EFL1: variants seen among roughly 807,000 people sequenced by gnomAD.
The protein encoded by EFL1 is elongation factor like GTPase 1.
Under a neutral mutation model 126.7 loss-of-function variants are expected in EFL1, and 76 were observed. The observed-to-expected ratio is 0.60, with a 90% confidence interval of 0.50 to 0.73. The LOEUF is 0.73. Among genes scored for constraint, EFL1 ranks in the 30% least tolerant of loss-of-function variants. EFL1 has a pLI of 0.00. For missense variants in EFL1, 1,128 were observed against 1,343.2 expected, an observed-to-expected ratio of 0.84 and a Z score of 2.50; for synonymous variants, 410 against 448.4, an observed-to-expected ratio of 0.91 and a Z score of 1.08.
At chr15:82,236,790 A>C (rs964831295) in intron 7 of EFL1, among the ~76,000 whole-genome samples, 18 of 152,232 alleles carry the variant, frequency 1.2e-4, no homozygotes, top group Admixed American at 4.6e-4. Context: ...CTTGACTCTA[A>C]AATCAAGATC....
At chr15:82,232,252 C>T (rs1195738275) in intron 7 of EFL1, among the ~76,000 whole-genome samples, 1 of 152,186 alleles carries the variant, frequency 6.6e-6, no homozygotes, top group African/African-American at 2.4e-5. Flanking sequence ...TGAAGCTTTG[C>T]TCTCCATATT....
Position 82,252,759 on chromosome 15 carries a change from C to T in EFL1, c.176G>A (p.Ser59Asn). ...RLAGKLRYMDSREDEQIRGIT... is the reference protein window; with the variant it reads ...RLAGKLRYMDNREDEQIRGIT... Reference sequence around the variant, plus strand: ...CCCTCGGATCTGTTCATCTTCTCTGCTGTCCATGTACCTTAACTGGAAAAA... The same window carrying T: ...CCCTCGGATCTGTTCATCTTCTCTGTTGTCCATGTACCTTAACTGGAAAAA... The change falls in exon 4 of 20, where the codon AGC becomes AAC. Residue 59 changes from serine to asparagine, a missense_variant. By Grantham distance (46) the Ser-to-Asn change is conservative. Coordinates refer to ENST00000268206, the MANE Select transcript of EFL1 (RefSeq NM_024580.6). 1.9e-6 allele frequency: 3 copies of T among 1,603,682 alleles called. No individual in the cohort carries two copies. The highest frequency in any genetic ancestry group is 2.6e-6 in the Non-Finnish European group (3 of 1,170,692).
rs374516876 is a variant in EFL1, at chr15:82,212,357, T to A, written c.1750+2360A>T. On this transcript the variant is annotated intron_variant, in intron 15 of 19. Transcript: ENST00000268206. ...CTATCATAAGAAGTATTAGTAATCA[T>A]TGCCCTAGTCCAAATCATTTGGGAA... is the stretch of plus-strand genomic sequence containing the variant. 8.5e-5 allele frequency among the ~76,000 whole-genome samples: 13 copies of A among 152,358 alleles called. No homozygotes were observed. In the South Asian group the frequency reaches 2.7e-3, roughly 32 times the overall value.
At chr15:82,246,319 G>A (rs1305565085) in intron 4 of EFL1, among the ~76,000 whole-genome samples, 3 of 152,032 alleles carry the variant, frequency 2.0e-5, no homozygotes, top group East Asian at 3.9e-4. Context: ...GTAAGAACCA[G>A]AATAAGAAAC....
chr15:82,245,906 C>T (rs1055724695), intron 4 of EFL1, among the ~76,000 whole-genome samples: 2 of 150,842 alleles, frequency 1.3e-5, no homozygotes, highest in Non-Finnish European at 2.9e-5. Flanking sequence ...GCACTCCAGC[C>T]TGGGTGATAG....
At chr15:82,257,661 C>A (rs923914924) in intron 3 of EFL1, among the ~76,000 whole-genome samples, 4 of 152,196 alleles carry the variant, frequency 2.6e-5, no homozygotes, top group Non-Finnish European at 5.9e-5. Flanking sequence ...CCCACCCACA[C>A]AGTTTCCCCT....
At chr15:82,159,165 C>T (rs957340704) in intron 16 of EFL1, among the ~76,000 whole-genome samples, 8 of 150,102 alleles carry the variant, frequency 5.3e-5, no homozygotes, top group Non-Finnish European at 1.0e-4. Flanking sequence ...TTTTTTTTGT[C>T]TAATTAAGTG....
rs1441055500 is a variant in EFL1, at chr15:82,262,594, C to T, written c.-20+20G>A. 1 of 362,644 alleles carries T rather than the reference C, an allele frequency of 2.8e-6. No individual in the cohort carries two copies. The highest frequency in any genetic ancestry group is 5.0e-6 in the Non-Finnish European group (1 of 200,788). 22.5% of individuals were successfully genotyped at this position (362,644 alleles called of 1,614,324 possible). A position where few individuals can be genotyped will look rare whatever the true frequency, so the allele number is the denominator to read the frequency against. On this transcript the variant is annotated intron_variant, in intron 1 of 19. Coordinates refer to ENST00000268206, the MANE Select transcript of EFL1 (RefSeq NM_024580.6). ...GGCTGGCCTAGGAGGTTCCAGCCCC[C>T]AGCGCCAGCCCACACTCACCGGCTG...
At chr15:82,214,896 T>G (rs970544600) in intron 14 of EFL1, 41 bp from the exon 15 acceptor site, 1 of 1,578,766 alleles carries the variant, frequency 6.3e-7, no homozygotes, top group South Asian at 1.2e-5. Context: ...TAGGAGGCAT[T>G]TGGAAGCATT....
chr15:82,230,384 T>C (rs1413344630), intron 8 of EFL1, among the ~76,000 whole-genome samples: 1 of 151,958 alleles, frequency 6.6e-6, no homozygotes, highest in African/African-American at 2.4e-5. Context: ...CCTCTATCTA[T>C]AGAAGGGGTT....
At chr15:82,204,996 G>A (rs193076468) in intron 15 of EFL1, among the ~76,000 whole-genome samples, 1 of 152,314 alleles carries the variant, frequency 6.6e-6, no homozygotes, top group East Asian at 1.9e-4. Context: ...ACCACAGATG[G>A]AAATGAAGAA....
chr15:82,254,939 T>G (rs1440143562), intron 3 of EFL1, among the ~76,000 whole-genome samples: 1 of 152,096 alleles, frequency 6.6e-6, no homozygotes, highest in Non-Finnish European at 1.5e-5. Context: ...GATGTAGACC[T>G]TCAACTGGTG....
intron 15 of EFL1, among the ~76,000 whole-genome samples, chr15:82,204,992 G>T (rs901148434): frequency 1.4e-4 from 22 of 152,206 alleles, no homozygotes; most frequent in African/African-American, 4.3e-4. Flanking sequence ...CAAAACCACA[G>T]ATGGAAATGA....
chr15:82,152,121 TG>T lies in EFL1; in HGVS notation c.2332del (p.Gln778SerfsTer2). On this transcript the variant is annotated frameshift_variant, in exon 18 of 20. Coordinates refer to ENST00000268206, the MANE Select transcript of EFL1 (RefSeq NM_024580.6). LOFTEE classifies it high-confidence loss of function. Reference protein sequence around the residue: ...ENSDLIRSMEQLTSSLNEGEN... With the variant: ...ENSDLIRSMEXLTSSLNEGEN... ...ACCCTCATTCAAAGAGGATGTCAACTGCTCCATAGAACGAATCAAATCACTA... is the reference window on the plus strand; with the variant it reads ...ACCCTCATTCAAAGAGGATGTCAACTCTCCATAGAACGAATCAAATCACTA... 6.2e-7 allele frequency: 1 copy of T among 1,614,184 alleles called. No individual in the cohort carries two copies. Among genetic ancestry groups the T allele is most frequent in the Non-Finnish European group, 8.5e-7 (1 of 1,180,042 alleles).
chr15:82,201,635 T>C (rs1364662365), intron 15 of EFL1, among the ~76,000 whole-genome samples: 2 of 150,460 alleles, frequency 1.3e-5, no homozygotes, highest in East Asian at 1.9e-4. Flanking sequence ...TTGTGAACCA[T>C]TATTTTGTCA....
At chr15:82,228,988 A>G in intron 9 of EFL1, 46 bp downstream of exon 9, 1 of 1,507,454 alleles carries the variant, frequency 6.6e-7, no homozygotes, top group Middle Eastern at 1.7e-4. Flanking sequence ...AGTGAGACAA[A>G]TTATACTGCC....
intron 15 of EFL1, 88 bp downstream of exon 15, chr15:82,214,629 T>A: frequency 6.9e-7 from 1 of 1,441,500 alleles, no homozygotes; most frequent in Non-Finnish European, 9.4e-7. Flanking sequence ...ATAAAGTTAT[T>A]CCCTTCAAAA....
rs777413648 is a variant in EFL1 at position 82,152,158 on chromosome 15, G to A, written c.2296C>T (p.Leu766=). 1.2e-6 allele frequency: 2 copies of A among 1,614,100 alleles called. No individual in the cohort carries two copies. Among genetic ancestry groups the A allele is most frequent in the East Asian group, 2.2e-5 (1 of 44,864 alleles). Residue 766 remains leucine, a synonymous_variant, in exon 18 of 20, where the codon CTG becomes TTG. Coordinates refer to ENST00000268206, the MANE Select transcript of EFL1 (RefSeq NM_024580.6). ...MPLPEEVTQI[L]EENSDLIRSM... ...CGAATCAAATCACTATTTTCTTCCA[G>A]AATCTGGGTGACTTCTTCTGGAAGG...
intron 4 of EFL1, among the ~76,000 whole-genome samples, chr15:82,244,552 G>A (rs1428660462): frequency 6.6e-6 from 1 of 152,052 alleles, no homozygotes; most frequent in African/African-American, 2.4e-5. Flanking sequence ...AAACTAAACG[G>A]CTTCATTTCA....
Sources: allele counts gnomAD v4.1 joint callset (sites outside exome capture counted in the v4.1 genomes callset), GRCh38; gene constraint gnomAD v4.1.1; transcripts MANE v1.5; gene names NCBI Gene and HGNC (gene_info 2026-07-23, HGNC 2026-07-21).